The following FHIT variants were observed in gnomAD, a reference collection of about 807,000 sequenced individuals.
FHIT encodes fragile histidine triad diadenosine triphosphatase, also known as bis(5'-adenosyl)-triphosphatase.
In FHIT, 19 loss-of-function variants were observed where a neutral mutation model predicts 17.9. The observed-to-expected ratio is 1.06, with a 90% CI of 0.74 to 1.56. The LOEUF (loss-of-function observed/expected upper bound fraction) is 1.56. Ranked by LOEUF, FHIT falls within the 40% of genes most tolerant of loss-of-function variation. The probability of loss-of-function intolerance (pLI) is 0.00; values close to 1 mark genes in which losing one functional copy is unlikely to be tolerated. For synonymous variants in FHIT, 81 were observed against 69.7 expected, an observed-to-expected ratio of 1.16 and a Z score of -0.81; for missense variants, 248 against 189.2, an observed-to-expected ratio of 1.31 and a Z score of -1.82.
At chr3:60,318,795 G>A (rs1709284507) in intron 5 of FHIT, among the ~76,000 whole-genome samples, 1 of 152,186 alleles carries the variant, frequency 6.6e-6, no homozygotes. Context: ...TTATCTTACA[G>A]TTCTGGAAGC....
At chr3:61,057,596 G>A (rs1454256734) in intron 2 of FHIT, among the ~76,000 whole-genome samples, 1 of 152,096 alleles carries the variant, frequency 6.6e-6, no homozygotes, top group Non-Finnish European at 1.5e-5. Context: ...ACCAAGGAAC[G>A]TAAAGGCCAT....
chr3:60,173,995 C>A (rs1475605190), intron 5 of FHIT, among the ~76,000 whole-genome samples: 5 of 144,736 alleles, frequency 3.5e-5, no homozygotes, highest in Admixed American at 1.4e-4. Context: ...TTCACTGCAA[C>A]CTCCGCCTCC....
At chr3:60,284,122 G>C (rs1576419855) in intron 5 of FHIT, among the ~76,000 whole-genome samples, 1 of 152,018 alleles carries the variant, frequency 6.6e-6, no homozygotes, top group Non-Finnish European at 1.5e-5. Flanking sequence ...AAGAAGAACA[G>C]TATATATTAC....
At chr3:61,249,295 G>T (rs2040557067) in intron 1 of FHIT, among the ~76,000 whole-genome samples, 1 of 152,142 alleles carries the variant, frequency 6.6e-6, no homozygotes, top group African/African-American at 2.4e-5. Context: ...ACCTGGGCCA[G>T]TTTCCTAATC....
intron 2 of FHIT, among the ~76,000 whole-genome samples, chr3:61,107,139 C>T (rs756945077): frequency 3.3e-5 from 5 of 152,154 alleles, no homozygotes; most frequent in Non-Finnish European, 4.4e-5. Flanking sequence ...CCACCCTCCG[C>T]GCCAACTCCT....
chr3:60,928,318 A>G (rs1198234170), intron 3 of FHIT, among the ~76,000 whole-genome samples: 8 of 150,356 alleles, frequency 5.3e-5, no homozygotes, highest in African/African-American at 2.0e-4. Flanking sequence ...TACTAAAAAA[A>G]TTAAAAAAAA....
At chr3:61,219,816 C>G (rs2039788398) in intron 1 of FHIT, among the ~76,000 whole-genome samples, 1 of 152,158 alleles carries the variant, frequency 6.6e-6, no homozygotes, top group South Asian at 2.1e-4. Context: ...CCTCTCAATC[C>G]ATGGATCCAA....
At chr3:60,099,020 G>C (rs538141263) in intron 5 of FHIT, among the ~76,000 whole-genome samples, 6 of 152,126 alleles carry the variant, frequency 3.9e-5, no homozygotes, top group Non-Finnish European at 8.8e-5. Flanking sequence ...AGAGTGCTTA[G>C]ATTTGACTGT....
chr3:60,361,628 G>C (rs1223844489), intron 5 of FHIT, among the ~76,000 whole-genome samples: 1 of 152,166 alleles, frequency 6.6e-6, no homozygotes, highest in Non-Finnish European at 1.5e-5. Flanking sequence ...AAGGGGTAGA[G>C]ATTCAAGAAT....
At chr3:59,930,276 T>C (rs980664198) in intron 7 of FHIT, among the ~76,000 whole-genome samples, 3 of 152,110 alleles carry the variant, frequency 2.0e-5, no homozygotes, top group African/African-American at 7.2e-5. Context: ...GTAGGATGCA[T>C]TGCAGCCATG....
intron 2 of FHIT, among the ~76,000 whole-genome samples, chr3:61,058,825 A>T (rs1559948740): frequency 6.6e-6 from 1 of 152,206 alleles, no homozygotes; most frequent in Non-Finnish European, 1.5e-5. Context: ...AGGTACCATT[A>T]TTGTCCCTAT....
chr3:60,521,947 G>T (rs1219187728), intron 5 of FHIT, among the ~76,000 whole-genome samples: 1 of 152,116 alleles, frequency 6.6e-6, no homozygotes, highest in Non-Finnish European at 1.5e-5. Context: ...GAGTTTTGTG[G>T]TAGGGTCAGG....
intron 4 of FHIT, among the ~76,000 whole-genome samples, chr3:60,540,048 C>T (rs1014818921): frequency 6.6e-6 from 1 of 151,928 alleles, no homozygotes; most frequent in Non-Finnish European, 1.5e-5. Context: ...CTCAATCTCC[C>T]AGGAAGAGAG....
At chr3:60,066,803 C>A (rs1008378375) in intron 5 of FHIT, among the ~76,000 whole-genome samples, 12 of 151,786 alleles carry the variant, frequency 7.9e-5, no homozygotes, top group African/African-American at 2.9e-4. Context: ...ACAACAGGCA[C>A]CCACCACCAT....
intron 5 of FHIT, among the ~76,000 whole-genome samples, chr3:60,363,989 G>A (rs1700009890): frequency 6.6e-6 from 1 of 152,060 alleles, no homozygotes; most frequent in African/African-American, 2.4e-5. Context: ...TCAAGGGGTG[G>A]TCACAGCTCT....
At chr3:59,758,442 G>T (rs571708327) in intron 8 of FHIT, among the ~76,000 whole-genome samples, 2 of 152,252 alleles carry the variant, frequency 1.3e-5, no homozygotes, top group South Asian at 2.1e-4. Context: ...CGCACAACAG[G>T]GGTCTAAAAG....
intron 5 of FHIT, among the ~76,000 whole-genome samples, chr3:60,466,507 G>A (rs2107432506): frequency 6.6e-6 from 1 of 152,140 alleles, no homozygotes; most frequent in East Asian, 1.9e-4. Flanking sequence ...TTAGCTGTGG[G>A]TCTGTCATAT....
chr3:60,958,723 G>C (rs1709283825), intron 3 of FHIT, among the ~76,000 whole-genome samples: 1 of 152,160 alleles, frequency 6.6e-6, no homozygotes, highest in Non-Finnish European at 1.5e-5. Flanking sequence ...GTTAAACAAG[G>C]TCCATGTCTT....
intron 8 of FHIT, among the ~76,000 whole-genome samples, chr3:59,887,951 C>T (rs1056514346): frequency 6.6e-5 from 10 of 152,104 alleles, no homozygotes; most frequent in Non-Finnish European, 1.2e-4. Context: ...CATGCAGGGG[C>T]CAAAGTTTAG....
Sources: allele counts gnomAD v4.1 joint callset (sites outside exome capture counted in the v4.1 genomes callset), GRCh38; gene constraint gnomAD v4.1.1; transcripts MANE v1.5; gene names NCBI Gene and HGNC (gene_info 2026-07-23, HGNC 2026-07-21).